TEX14: variants seen among roughly 807,000 people sequenced by gnomAD.
TEX14 encodes testis expressed 14, intercellular bridge forming factor, also known as inactive serine/threonine-protein kinase TEX14.
TEX14 carries 168 observed loss-of-function variants against 178.6 expected under a neutral mutation model. The observed-to-expected ratio is 0.94, with a 90% confidence interval of 0.83 to 1.07. The LOEUF (loss-of-function observed/expected upper bound fraction) is 1.07. Ranked by LOEUF, TEX14 falls within the 50% of genes least tolerant of loss-of-function variation. The pLI is 0.00. For missense variants in TEX14, 1,730 were observed against 1,753.6 expected (o/e 0.99, Z 0.24); for synonymous variants, 626 against 634.1 (o/e 0.99, Z 0.19).
Position 58,605,011 on chromosome 17 carries a change from T to C in TEX14, c.1303A>G (p.Ser435Gly), listed in dbSNP as rs764494812. The change falls in exon 11 of 32, where the codon AGC becomes GGC. Residue 435 changes from serine to glycine, a missense_variant. Around this residue, in one of 2 missense-constraint regions of TEX14, gnomAD observed 789 missense variants for 681.2 expected, o/e 1.16. Transcript: ENST00000349033. ...ATCTCCTGCATGATCATAGAAAAGC[T>C]GTAGATGTCTGATTTCACTGTGGCT... ...KAATVKSDIY[S>G]FSMIMQEILT... The C allele has an allele frequency of 1.7e-5, 28 of 1,614,222 alleles. No individual in the cohort carries two copies. The highest frequency in any genetic ancestry group is 2.2e-5 in the Non-Finnish European group (26 of 1,180,024).
At chr17:58,624,854 C>T (rs1053102944) in intron 3 of TEX14, among the ~76,000 whole-genome samples, 6 of 152,178 alleles carry the variant, frequency 3.9e-5, no homozygotes, top group African/African-American at 1.4e-4. Context: ...TCTCAGACTA[C>T]ACCTTACACT....
intron 9 of TEX14, among the ~76,000 whole-genome samples, chr17:58,611,574 C>A (rs573697698): frequency 1.3e-5 from 2 of 152,272 alleles, no homozygotes; most frequent in East Asian, 3.9e-4. Flanking sequence ...TGCTTCATAC[C>A]ACAAAAAATG....
chr17:58,665,906 G>C (rs961177854), intron 1 of TEX14, among the ~76,000 whole-genome samples: 1 of 151,870 alleles, frequency 6.6e-6, no homozygotes, highest in Non-Finnish European at 1.5e-5. Context: ...AACTAGCCAC[G>C]CGTGGTGGCG....
At chr17:58,643,691 G>A (rs2046626113) in intron 2 of TEX14, among the ~76,000 whole-genome samples, 1 of 151,666 alleles carries the variant, frequency 6.6e-6, no homozygotes, top group African/African-American at 2.4e-5. Flanking sequence ...CCAAACTGGT[G>A]AAACCCCATT....
chr17:58,587,803 G>C (rs2045015413), intron 16 of TEX14, 93 bp downstream of exon 16: 2 of 1,225,316 alleles, frequency 1.6e-6, no homozygotes, highest in South Asian at 2.4e-5. Context: ...GCCATTCCTA[G>C]AGTTGCACTG....
At chr17:58,610,628 G>A (rs192269433) in intron 10 of TEX14, among the ~76,000 whole-genome samples, 1 of 152,316 alleles carries the variant, frequency 6.6e-6, no homozygotes, top group East Asian at 1.9e-4. Flanking sequence ...GATCACACCT[G>A]TAATCCTAGC....
At chr17:58,557,954 T>G in intron 30 of TEX14, 104 bp from the exon 31 acceptor site, 4 of 794,530 alleles carry the variant, frequency 5.0e-6, no homozygotes, top group Non-Finnish European at 4.1e-6. Flanking sequence ...GTAGACTGTT[T>G]TACCTACAAT....
intron 2 of TEX14, among the ~76,000 whole-genome samples, chr17:58,645,017 G>A (rs528781393): frequency 9.2e-5 from 13 of 140,692 alleles, no homozygotes; most frequent in South Asian, 4.5e-4. Context: ...ATGGAGTCTC[G>A]CTCTGTCACC....
chr17:58,622,189 G>GT (rs1175514234), intron 4 of TEX14, among the ~76,000 whole-genome samples: 1 of 152,170 alleles, frequency 6.6e-6, no homozygotes, highest in African/African-American at 2.4e-5. Flanking sequence ...GCTCATGCCT[G>GT]TAATTCCAGC....
At chr17:58,684,678 TAAAA>T (rs1555588110) in intron 1 of TEX14, among the ~76,000 whole-genome samples, 34 of 146,120 alleles carry the variant, frequency 2.3e-4, no homozygotes, top group African/African-American at 7.4e-4. Context: ...AATAAATAAA[TAAAA>T]AGCTTTCTTC....
intron 18 of TEX14, 71 bp downstream of exon 18, chr17:58,585,730 C>T (rs1480522525): frequency 1.5e-6 from 2 of 1,366,532 alleles, no homozygotes; most frequent in Non-Finnish European, 2.0e-6. Context: ...GCTGGAATTA[C>T]AGGCTGAGCC....
In TEX14 at chr17:58,565,766, A is replaced by G. The variant is rs1462658904; in HGVS notation, c.3945T>C (p.Asp1315=). The G allele has an allele frequency of 6.2e-7, 1 of 1,609,884 alleles. No individual in the cohort carries two copies. Among genetic ancestry groups the G allele is most frequent in the South Asian group, 1.1e-5 (1 of 89,628 alleles). ...ACTTACCATTTGCAGTGCCTCCTCCATCACTTGCTGTGTTCTCATGCAACA... is the reference window on the plus strand; with the variant it reads ...ACTTACCATTTGCAGTGCCTCCTCCGTCACTTGCTGTGTTCTCATGCAACA... ...STVLHENTAS[D]GGGTANDQRH... The change falls in exon 27 of 32, where the codon GAT becomes GAC. Residue 1315 remains aspartate, a synonymous_variant. Transcript: ENST00000349033.
chr17:58,665,597 T>TAAAAAAC (rs1187599571), intron 1 of TEX14, among the ~76,000 whole-genome samples: 1 of 149,484 alleles, frequency 6.7e-6, no homozygotes, highest in Non-Finnish European at 1.5e-5. Flanking sequence ...CTCTGTCTCA[T>TAAAAAAC]AAAAAACAAA....
At chr17:58,565,976 T>C in intron 26 of TEX14, 152 bp from the exon 27 acceptor site, 1 of 611,768 alleles carries the variant, frequency 1.6e-6, no homozygotes, top group South Asian at 2.0e-5. Flanking sequence ...AGGCCTCATC[T>C]CAGACCTGCT....
At chr17:58,588,586 A>G (rs985112981) in intron 15 of TEX14, among the ~76,000 whole-genome samples, 1 of 152,282 alleles carries the variant, frequency 6.6e-6, no homozygotes, top group Middle Eastern at 3.4e-3. Flanking sequence ...TGCCCGGCCT[A>G]ACGTTTGTAA....
chr17:58,647,008 C>A (rs749922551), intron 2 of TEX14, among the ~76,000 whole-genome samples: 3 of 151,702 alleles, frequency 2.0e-5, no homozygotes, highest in East Asian at 2.0e-4. Flanking sequence ...AGAGTTCAAG[C>A]GATTCTCCTG....
At chr17:58,646,478 T>C (rs2046710612) in intron 2 of TEX14, among the ~76,000 whole-genome samples, 1 of 152,136 alleles carries the variant, frequency 6.6e-6, no homozygotes. Flanking sequence ...AGAGCACAAC[T>C]CCTGCCTCAT....
At chr17:58,574,062 A>C in intron 22 of TEX14, 125 bp downstream of exon 22, 1 of 751,384 alleles carries the variant, frequency 1.3e-6, no homozygotes, top group South Asian at 1.6e-5. Flanking sequence ...TTGGTGAAAG[A>C]AGCAGCATAC....
Position 58,602,496 on chromosome 17 carries a change from A to C in TEX14, c.1431T>G (p.Pro477=), listed in dbSNP as rs2045478365. Residue 477 remains proline, a synonymous_variant, in exon 12 of 32, where the codon CCT becomes CCG. Transcript: ENST00000349033. ...YLEADVRLPK[P]YYDIVKSGIH... is the part of the protein sequence containing the mutation. ...TGCCTGACTTAACAATATCATAGTA[A>C]GGTTTCGGAAGCCTGACATCAGCTT... The C allele has an allele frequency of 4.3e-6, 7 of 1,614,044 alleles. No individual in the cohort carries two copies. Among genetic ancestry groups the C allele is most frequent in the Non-Finnish European group, 5.9e-6 (7 of 1,180,020 alleles).
Sources: gnomAD v4.1 joint callset for allele counts (sites outside exome capture counted in the v4.1 genomes callset) on GRCh38, gnomAD v4.1.1 for gene constraint, gnomAD v4.1.1 regional missense constraint, MANE v1.5 for transcripts, NCBI Gene and HGNC (gene_info 2026-07-23, HGNC 2026-07-21) for gene names.